GLCE: variants seen among roughly 807,000 people sequenced by gnomAD.
The protein encoded by GLCE is D-glucuronyl C5-epimerase.
In GLCE, 19 loss-of-function variants were observed where a neutral mutation model predicts 47.9. The ratio of observed to expected loss-of-function variants is 0.40; its 90% confidence interval spans 0.28 to 0.58. GLCE has a LOEUF of 0.58. Ranked by LOEUF, GLCE falls within the 20% of genes least tolerant of loss-of-function variation. The probability of loss-of-function intolerance (pLI) is 0.48; values close to 1 mark genes in which losing one functional copy is unlikely to be tolerated. For synonymous variants in GLCE, 245 were observed against 263.4 expected, an observed-to-expected ratio of 0.93 and a Z score of 0.68; for missense variants, 556 against 743.3, an observed-to-expected ratio of 0.75 and a Z score of 2.93.
At chr15:69,187,346 C>T (rs991972078) in intron 1 of GLCE, among the ~76,000 whole-genome samples, 6 of 152,058 alleles carry the variant, frequency 3.9e-5, no homozygotes, top group African/African-American at 1.2e-4. Context: ...GAAAAGGATA[C>T]TAATGTATGT....
intron 1 of GLCE, among the ~76,000 whole-genome samples, chr15:69,161,597 C>A (rs1407871333): frequency 6.6e-6 from 1 of 152,184 alleles, no homozygotes; most frequent in Admixed American, 6.5e-5. Flanking sequence ...TTGGTGCTAC[C>A]GCGCAGGCTG....
chr15:69,167,510 T>C (rs2051522754), intron 1 of GLCE, among the ~76,000 whole-genome samples: 1 of 152,224 alleles, frequency 6.6e-6, no homozygotes, highest in African/African-American at 2.4e-5. Context: ...CCTGCTGAGT[T>C]GTTATTAGCA....
intron 1 of GLCE, among the ~76,000 whole-genome samples, chr15:69,179,314 C>T (rs2051717080): frequency 6.6e-6 from 1 of 152,134 alleles, no homozygotes; most frequent in South Asian, 2.1e-4. Context: ...TATAGATTCA[C>T]AGGAAGTTGG....
chr15:69,188,082 A>G (rs952486009), intron 1 of GLCE, among the ~76,000 whole-genome samples: 1 of 151,820 alleles, frequency 6.6e-6, no homozygotes, highest in African/African-American at 2.4e-5. Context: ...AAAAACAACA[A>G]CAACAAAAAA....
rs1408696558 is a variant in GLCE, at chr15:69,271,118, C to T, written c.*1874C>T. On this transcript the variant is annotated 3_prime_UTR_variant, in exon 5 of 5. Transcript: ENST00000261858. ...CGATGATAACAGTATGGTACTGCTT[C>T]TGTGACAAATATCGTGCCTTAACAA... The T allele has an allele frequency of 6.5e-6, 1 of 152,672 alleles. No homozygotes were observed. The highest frequency in any genetic ancestry group is 2.4e-5 in the African/African-American group (1 of 41,460). The allele number at this position is 152,672 out of a possible 1,614,324, so 9.5% of individuals were successfully genotyped here.
intron 2 of GLCE, among the ~76,000 whole-genome samples, chr15:69,237,345 A>G (rs1283460189): frequency 6.6e-6 from 1 of 152,212 alleles, no homozygotes; most frequent in Non-Finnish European, 1.5e-5. Context: ...CTGTAATCCC[A>G]GCACTTTGGG....
chr15:69,166,782 T>G (rs948214194), intron 1 of GLCE, among the ~76,000 whole-genome samples: 6 of 149,760 alleles, frequency 4.0e-5, no homozygotes, highest in Non-Finnish European at 8.9e-5. Context: ...TAGCCGGGCG[T>G]GGTGGCACAC....
intron 1 of GLCE, among the ~76,000 whole-genome samples, chr15:69,170,439 A>C (rs2051572365): frequency 6.6e-6 from 1 of 152,168 alleles, no homozygotes; most frequent in Non-Finnish European, 1.5e-5. Flanking sequence ...GTTGTCCCAG[A>C]GGCAGCCATT....
intron 1 of GLCE, among the ~76,000 whole-genome samples, chr15:69,173,424 G>C (rs1047425881): frequency 6.6e-6 from 1 of 152,202 alleles, no homozygotes; most frequent in Non-Finnish European, 1.5e-5. Context: ...AAACATGAAG[G>C]GTTGGCACAT....
chr15:69,184,027 T>G (rs2051787811), intron 1 of GLCE, among the ~76,000 whole-genome samples: 1 of 152,228 alleles, frequency 6.6e-6, no homozygotes, highest in South Asian at 2.1e-4. Flanking sequence ...TGTTGGAGAA[T>G]AGCGACAACT....
intron 1 of GLCE, among the ~76,000 whole-genome samples, chr15:69,200,820 A>G (rs2052067744): frequency 6.6e-6 from 1 of 152,132 alleles, no homozygotes. Context: ...CAGTAGGCCA[A>G]TCCAGGTCTC....
intron 2 of GLCE, among the ~76,000 whole-genome samples, chr15:69,241,511 C>T (rs2052671394): frequency 6.6e-6 from 1 of 152,190 alleles, no homozygotes; most frequent in Admixed American, 6.5e-5. Context: ...TAAAGTCATT[C>T]TCACTGGAGC....
chr15:69,187,690 T>G (rs1028308165), intron 1 of GLCE, among the ~76,000 whole-genome samples: 8 of 152,178 alleles, frequency 5.3e-5, no homozygotes, highest in Non-Finnish European at 1.2e-4. Flanking sequence ...AATAGAAGCC[T>G]ATATAAAAGG....
At chr15:69,169,254 C>G (rs1045353388) in intron 1 of GLCE, among the ~76,000 whole-genome samples, 3 of 152,074 alleles carry the variant, frequency 2.0e-5, no homozygotes, top group Admixed American at 6.6e-5. Flanking sequence ...TGGGCTGTTT[C>G]CAGTGTTTAG....
intron 1 of GLCE, among the ~76,000 whole-genome samples, chr15:69,205,289 C>T (rs2052134916): frequency 6.6e-6 from 1 of 151,988 alleles, no homozygotes; most frequent in African/African-American, 2.4e-5. Context: ...CAGCATATGC[C>T]TTATAAGATT....
intron 1 of GLCE, among the ~76,000 whole-genome samples, chr15:69,191,125 T>C (rs551257032): frequency 6.6e-6 from 1 of 152,300 alleles, no homozygotes; most frequent in African/African-American, 2.4e-5. Flanking sequence ...CTTTTATAGT[T>C]ACCCACATAT....
Position 69,256,396 on chromosome 15 carries a change from G to A in GLCE, c.586+4G>A. ...AAGTGCATAAGTGGGGTTGAAGGTTGGTATCTGTCTGCTTCACTTGCATTT... is the reference window on the plus strand; with the variant it reads ...AAGTGCATAAGTGGGGTTGAAGGTTAGTATCTGTCTGCTTCACTTGCATTT... On this transcript the variant is annotated splice_donor_region_variant and intron_variant, in intron 3 of 4. Transcript: ENST00000261858. 1 of 1,584,024 alleles carries A rather than the reference G, an allele frequency of 6.3e-7. No homozygotes were observed.
At position 69,186,222 on chromosome 15, in the gene GLCE, C is replaced by T. The variant is rs145993100; in HGVS notation, c.-104-24094C>T. Among the ~76,000 whole-genome samples the T allele has an allele frequency of 2.2e-3, 330 of 152,168 alleles. 1 individual carries two copies. Among genetic ancestry groups the T allele is most frequent in the African/African-American group, 5.8e-3 (241 of 41,522 alleles). On this transcript the variant is annotated intron_variant, in intron 1 of 4. Transcript: ENST00000261858. ...TTCCTCCAGGGTATGAGGCAGGACCCTCTCTGGAGGGTCTTAAGACCCACT... is the reference window on the plus strand; with the variant it reads ...TTCCTCCAGGGTATGAGGCAGGACCTTCTCTGGAGGGTCTTAAGACCCACT...
chr15:69,180,798 T>C (rs76484190), intron 1 of GLCE, among the ~76,000 whole-genome samples: 1 of 152,172 alleles, frequency 6.6e-6, no homozygotes, highest in Non-Finnish European at 1.5e-5. Flanking sequence ...GCTTTTAGAC[T>C]AAGTGATACG....
Sources: allele counts gnomAD v4.1 joint callset (sites outside exome capture counted in the v4.1 genomes callset), GRCh38; gene constraint gnomAD v4.1.1; transcripts MANE v1.5; gene names NCBI Gene and HGNC (gene_info 2026-07-23, HGNC 2026-07-21).